The following TSHR variants were observed in gnomAD, a reference collection of about 807,000 sequenced individuals.
TSHR encodes thyroid stimulating hormone receptor.
Under a neutral mutation model 64.1 loss-of-function variants are expected in TSHR, and 51 were observed. The observed-to-expected ratio is 0.80, with a 90% CI of 0.64 to 1.01. The LOEUF (loss-of-function observed/expected upper bound fraction) is 1.01. TSHR is among the 50% of genes least tolerant of loss of function. The pLI is 0.00. For synonymous variants in TSHR, 361 were observed against 361.9 expected (o/e 1.00, Z 0.03); for missense variants, 877 against 942.8 (o/e 0.93, Z 0.91).
chr14:81,096,610 C>T (rs1230789166), intron 6 of TSHR, 29 bp from the exon 7 acceptor site: 1 of 1,610,366 alleles, frequency 6.2e-7, no homozygotes, highest in East Asian at 2.2e-5. Flanking sequence ...TCACCAGTCA[C>T]TGATTTCTCT....
Position 81,096,638 on chromosome 14 carries a change from G to C in TSHR, c.546-1G>C. 1 of 1,613,434 alleles carries C rather than the reference G, an allele frequency of 6.2e-7. No homozygotes were observed. The highest frequency in any genetic ancestry group is 1.1e-5 in the South Asian group (1 of 91,054). On this transcript the variant is annotated splice_acceptor_variant, in intron 6 of 9. Coordinates refer to ENST00000298171, the MANE Select transcript of TSHR (RefSeq NM_000369.5). LOFTEE classifies it high-confidence loss of function. ...ATTTCTCTTCTCTCTGTTGGTTGTAGGAAGCTGTACAACAATGGCTTTACT... is the reference window on the plus strand; with the variant it reads ...ATTTCTCTTCTCTCTGTTGGTTGTACGAAGCTGTACAACAATGGCTTTACT...
At chr14:81,117,469 C>A (rs1050093278) in intron 8 of TSHR, among the ~76,000 whole-genome samples, 2 of 123,044 alleles carry the variant, frequency 1.6e-5, no homozygotes, top group African/African-American at 7.2e-5. Context: ...TACACTCTCC[C>A]AAGACTAAAC....
At position 81,101,894 on chromosome 14, in the gene TSHR, G is replaced by A. The variant is rs988722041; in HGVS notation, c.614+5187G>A. On this transcript the variant is annotated intron_variant, in intron 7 of 9. Coordinates refer to ENST00000298171, the MANE Select transcript of TSHR (RefSeq NM_000369.5). ...TATTCTCATTAAAACTAAGCAGGCC[G>A]GGTGTGGTGGCTCATGTCTGTAATC... 4.6e-5 allele frequency among the ~76,000 whole-genome samples: 7 copies of A among 152,162 alleles called. No homozygotes were observed. The East Asian group carries it at 7.7e-4, about 17-fold the overall frequency.
chr14:80,983,979 A>G (rs1447337725), intron 1 of TSHR, among the ~76,000 whole-genome samples: 2 of 152,244 alleles, frequency 1.3e-5, no homozygotes, highest in Non-Finnish European at 2.9e-5. Flanking sequence ...ATGGCAAAAA[A>G]GAAAACATCC....
chr14:80,978,443 T>C (rs1888003491), intron 1 of TSHR, among the ~76,000 whole-genome samples: 1 of 152,192 alleles, frequency 6.6e-6, no homozygotes, highest in Non-Finnish European at 1.5e-5. Flanking sequence ...CATTGAAAGA[T>C]AACATCTGTG....
Position 81,138,455 on chromosome 14 carries a change from C to T in TSHR, c.693-1224C>T, listed in dbSNP as rs564517995. 2.0e-5 allele frequency among the ~76,000 whole-genome samples: 3 copies of T among 152,220 alleles called. No homozygotes were observed. The East Asian group carries it at 5.8e-4, about 29-fold the overall frequency. The stretch of plus-strand genomic sequence containing the variant: ...CCGCCCGCCTCAGCCTACCAAAGTG[C>T]TGGGATTACAGGCGTGAGCTACCGC... On this transcript the variant is annotated intron_variant, in intron 8 of 9. Coordinates refer to ENST00000298171, the MANE Select transcript of TSHR (RefSeq NM_000369.5).
At chr14:81,049,508 A>G (rs1458744810) in intron 1 of TSHR, 1 of 152,186 alleles carries the variant, frequency 6.6e-6, no homozygotes, top group Non-Finnish European at 1.5e-5. Context: ...ATGTTTGAAA[A>G]CCATATAGGT....
intron 7 of TSHR, chr14:81,104,908 G>A: frequency 1.0e-6 from 1 of 985,052 alleles, no homozygotes; most frequent in Non-Finnish European, 1.2e-6. Context: ...TAGAGATGTA[G>A]CCATGTCTAT....
At chr14:80,985,094 C>CA (rs1250168887) in intron 1 of TSHR, among the ~76,000 whole-genome samples, 26 of 152,082 alleles carry the variant, frequency 1.7e-4, no homozygotes, top group African/African-American at 5.8e-4. Context: ...ACTAAAAATA[C>CA]AAAAAATTAG....
intron 8 of TSHR, among the ~76,000 whole-genome samples, chr14:81,121,058 C>A (rs1323782050): frequency 1.3e-5 from 2 of 151,858 alleles, no homozygotes; most frequent in Non-Finnish European, 2.9e-5. Flanking sequence ...AGGTCCACAA[C>A]CCAACTAACA....
intron 5 of TSHR, 122 bp downstream of exon 5, chr14:81,091,265 C>A: frequency 1.1e-6 from 1 of 870,172 alleles, no homozygotes; most frequent in Non-Finnish European, 1.9e-6. Context: ...AAGCAATGAT[C>A]AGGTGTGACT....
intron 8 of TSHR, among the ~76,000 whole-genome samples, chr14:81,128,070 G>C (rs1222179452): frequency 4.6e-5 from 7 of 152,130 alleles, no homozygotes; most frequent in Admixed American, 4.6e-4. Flanking sequence ...GAAAGTATAG[G>C]CTTATAAGAA....
rs112521031 is a variant in TSHR at position 80,999,567 on chromosome 14, T to C, written c.170+43717T>C. ...ATCAATATTTCACCTGTGCTGCAAT[T>C]CACATCGATAATTAAACTATACAGG... On this transcript the variant is annotated intron_variant, in intron 1 of 9. Coordinates refer to ENST00000298171, the MANE Select transcript of TSHR (RefSeq NM_000369.5). 5.4e-3 allele frequency among the ~76,000 whole-genome samples: 830 copies of C among 152,300 alleles called. 6 individuals are homozygous for C. Among genetic ancestry groups the C allele is most frequent in the African/African-American group, 0.018 (757 of 41,562 alleles).
At chr14:81,028,646 T>A (rs1318549145) in intron 1 of TSHR, among the ~76,000 whole-genome samples, 1 of 152,080 alleles carries the variant, frequency 6.6e-6, no homozygotes, top group Non-Finnish European at 1.5e-5. Context: ...CATGAGCAAA[T>A]GGAAATCCTA....
At chr14:81,030,219 C>CTTT (rs1296741592) in intron 1 of TSHR, among the ~76,000 whole-genome samples, 1 of 152,128 alleles carries the variant, frequency 6.6e-6, no homozygotes, top group Non-Finnish European at 1.5e-5. Context: ...TCACAAAGAA[C>CTTT]TTTCAATTGC....
intron 1 of TSHR, among the ~76,000 whole-genome samples, chr14:81,042,569 T>C (rs1299543505): frequency 2.6e-5 from 4 of 151,966 alleles, no homozygotes; most frequent in African/African-American, 9.7e-5. Context: ...CTTACTCATA[T>C]GTGAAATCTA....
At chr14:80,987,664 A>G (rs1211716804) in intron 1 of TSHR, among the ~76,000 whole-genome samples, 4 of 152,282 alleles carry the variant, frequency 2.6e-5, no homozygotes, top group South Asian at 2.1e-4. Flanking sequence ...TACATCGTCA[A>G]TGCTAACCTT....
intron 1 of TSHR, among the ~76,000 whole-genome samples, chr14:80,986,049 A>G (rs2139731178): frequency 1.3e-5 from 2 of 152,338 alleles, no homozygotes; most frequent in African/African-American, 4.8e-5. Context: ...CTTCTTGAGC[A>G]TTCACAGAGC....
At chr14:81,071,568 A>G (rs1330606843) in intron 3 of TSHR, among the ~76,000 whole-genome samples, 1 of 152,124 alleles carries the variant, frequency 6.6e-6, no homozygotes, top group Admixed American at 6.6e-5. Flanking sequence ...TTTCTCAGCC[A>G]GCCTGGACAA....
Sources: allele counts gnomAD v4.1 joint callset (sites outside exome capture counted in the v4.1 genomes callset), GRCh38; gene constraint gnomAD v4.1.1; transcripts MANE v1.5; gene names NCBI Gene and HGNC (gene_info 2026-07-23, HGNC 2026-07-21).